The following CHST11 variants were observed in gnomAD, a reference collection of about 807,000 sequenced individuals.
The protein encoded by CHST11 is carbohydrate sulfotransferase 11, also known as C4S-1.
Under a neutral mutation model 30.4 loss-of-function variants are expected in CHST11, and 9 were observed. The observed-to-expected ratio is 0.30, with a 90% CI of 0.18 to 0.52. CHST11 has a LOEUF of 0.52. Among genes scored for constraint, CHST11 ranks in the 20% least tolerant of loss-of-function variants. The pLI is 0.97. For synonymous variants in CHST11, 152 were observed against 187.8 expected (o/e 0.81, Z 1.56); for missense variants, 348 against 460.6 (o/e 0.76, Z 2.24).
At chr12:104,515,370 G>A (rs1375545720) in intron 1 of CHST11, among the ~76,000 whole-genome samples, 1 of 152,150 alleles carries the variant, frequency 6.6e-6, no homozygotes, top group Admixed American at 6.5e-5. Flanking sequence ...CCCTGATGTA[G>A]GACAGTGGTT....
chr12:104,478,141 A>T (rs1441268741), intron 1 of CHST11, among the ~76,000 whole-genome samples: 6 of 152,130 alleles, frequency 3.9e-5, no homozygotes, highest in Non-Finnish European at 7.4e-5. Context: ...CTCAAACTGT[A>T]TCTTTCTTCT....
At chr12:104,532,316 T>C (rs983640162) in intron 1 of CHST11, among the ~76,000 whole-genome samples, 1 of 151,918 alleles carries the variant, frequency 6.6e-6, no homozygotes, top group Non-Finnish European at 1.5e-5. Flanking sequence ...TTGTGATGAT[T>C]CCCACCCCCA....
intron 1 of CHST11, chr12:104,591,715 T>C (rs1228530569): frequency 6.5e-6 from 1 of 152,690 alleles, no homozygotes; most frequent in East Asian, 2.0e-4. Flanking sequence ...CTTGACTCTT[T>C]CCAGATATCT....
intron 1 of CHST11, among the ~76,000 whole-genome samples, chr12:104,508,956 C>G (rs943817956): frequency 6.6e-6 from 1 of 152,084 alleles, no homozygotes; most frequent in Non-Finnish European, 1.5e-5. Flanking sequence ...CCACTACCAC[C>G]ATCATCACCA....
intron 2 of CHST11, among the ~76,000 whole-genome samples, chr12:104,714,682 C>T (rs1269437913): frequency 2.0e-5 from 3 of 152,068 alleles, no homozygotes; most frequent in Admixed American, 6.6e-5. Context: ...CAGTGAGCTT[C>T]GTGGTGATGA....
intron 2 of CHST11, among the ~76,000 whole-genome samples, chr12:104,720,614 C>A (rs187403893): frequency 3.0e-4 from 45 of 152,260 alleles, no homozygotes; most frequent in Non-Finnish European, 6.2e-4. Flanking sequence ...AACAGTGTGA[C>A]GTGCTGCGGT....
rs71069763 is a variant in CHST11, at chr12:104,541,130, T to TCACA, written c.119-60749_119-60746dup. On this transcript the variant is annotated intron_variant, in intron 1 of 2. Transcript: ENST00000303694. The stretch of plus-strand genomic sequence containing the variant: ...GAATCTCTCCCTCTCTCTCTCTCTC[T>TCACA]CACACACACACACACACACACACAC... Among the ~76,000 whole-genome samples, 337 of 146,668 alleles carry TCACA rather than the reference T, an allele frequency of 2.3e-3. 1 individual carries two copies. Among genetic ancestry groups the TCACA allele is most frequent in the African/African-American group, 6.9e-3 (272 of 39,546 alleles).
At chr12:104,555,458 C>T (rs2038446232) in intron 1 of CHST11, among the ~76,000 whole-genome samples, 1 of 152,212 alleles carries the variant, frequency 6.6e-6, no homozygotes, top group Non-Finnish European at 1.5e-5. Flanking sequence ...AGGAGGCACA[C>T]ACCTTTCCTT....
intron 2 of CHST11, among the ~76,000 whole-genome samples, chr12:104,670,636 T>C (rs2039685727): frequency 7.1e-6 from 1 of 141,812 alleles, no homozygotes; most frequent in African/African-American, 2.7e-5. Context: ...CTCACACTCA[T>C]GCACACTCTC....
At chr12:104,750,106 C>A (rs1344723482) in intron 2 of CHST11, among the ~76,000 whole-genome samples, 1 of 151,604 alleles carries the variant, frequency 6.6e-6, no homozygotes, top group Non-Finnish European at 1.5e-5. Context: ...TTTTTATTGT[C>A]TTGGGCTAAT....
At chr12:104,537,718 C>T (rs1161716827) in intron 1 of CHST11, among the ~76,000 whole-genome samples, 1 of 73,380 alleles carries the variant, frequency 1.4e-5, no homozygotes, top group Non-Finnish European at 2.6e-5. Context: ...TTTTTGGAGA[C>T]AGGGTCTCAC....
At chr12:104,597,355 T>C (rs1158184126) in intron 1 of CHST11, among the ~76,000 whole-genome samples, 2 of 152,162 alleles carry the variant, frequency 1.3e-5, no homozygotes, top group Non-Finnish European at 2.9e-5. Flanking sequence ...AAACAAGTGT[T>C]GTGGCTAAAT....
At chr12:104,474,399 A>G (rs966885671) in intron 1 of CHST11, among the ~76,000 whole-genome samples, 1 of 152,230 alleles carries the variant, frequency 6.6e-6, no homozygotes, top group Non-Finnish European at 1.5e-5. Context: ...TTAACTCGGA[A>G]TAGTGGCCTT....
At chr12:104,588,058 T>G (rs1357107640) in intron 1 of CHST11, among the ~76,000 whole-genome samples, 1 of 152,204 alleles carries the variant, frequency 6.6e-6, no homozygotes, top group Non-Finnish European at 1.5e-5. Flanking sequence ...GGTTGATTCT[T>G]AAACATCTCT....
intron 2 of CHST11, among the ~76,000 whole-genome samples, chr12:104,677,941 G>A (rs2039758274): frequency 6.6e-6 from 1 of 152,174 alleles, no homozygotes; most frequent in African/African-American, 2.4e-5. Flanking sequence ...TCCCACTCCT[G>A]GAACATACTT....
At chr12:104,498,957 C>A (rs2037826696) in intron 1 of CHST11, among the ~76,000 whole-genome samples, 1 of 151,960 alleles carries the variant, frequency 6.6e-6, no homozygotes, top group Admixed American at 6.6e-5. Flanking sequence ...TCTTGATCTT[C>A]TTAACCCGTT....
intron 1 of CHST11, among the ~76,000 whole-genome samples, chr12:104,601,097 C>T (rs1352425557): frequency 6.6e-6 from 1 of 151,252 alleles, no homozygotes; most frequent in African/African-American, 2.4e-5. Context: ...CCTTCCTTCC[C>T]TCTCTCCCAA....
intron 2 of CHST11, among the ~76,000 whole-genome samples, chr12:104,692,031 T>A (rs1592841638): frequency 6.6e-6 from 1 of 152,256 alleles, no homozygotes; most frequent in East Asian, 1.9e-4. Context: ...CGTGTCTCCT[T>A]GTTTTGACTT....
At chr12:104,667,228 G>C (rs1378971778) in intron 2 of CHST11, among the ~76,000 whole-genome samples, 1 of 152,016 alleles carries the variant, frequency 6.6e-6, no homozygotes, top group Non-Finnish European at 1.5e-5. Context: ...ATTCTTCCAG[G>C]CCGTCTCATT....
Sources: allele counts gnomAD v4.1 joint callset (sites outside exome capture counted in the v4.1 genomes callset), GRCh38; gene constraint gnomAD v4.1.1; transcripts MANE v1.5; gene names NCBI Gene and HGNC (gene_info 2026-07-23, HGNC 2026-07-21).